Variants in SV2B observed in about 807,000 individuals in gnomAD.
The protein encoded by SV2B is synaptic vesicle glycoprotein 2B.
SV2B carries 41 observed loss-of-function variants against 73.9 expected under a neutral mutation model. That is an observed-to-expected ratio of 0.56 (90% CI 0.43 to 0.72). The LOEUF is 0.72. Ranked by LOEUF, SV2B falls within the 30% of genes least tolerant of loss-of-function variation. SV2B has a pLI of 0.00. For synonymous variants in SV2B, 314 were observed against 314.2 expected, an observed-to-expected ratio of 1.00 and a Z score of 0.01; for missense variants, 764 against 857.8, an observed-to-expected ratio of 0.89 and a Z score of 1.37.
In SV2B at chr15:91,240,852, T is replaced by C. The variant is rs1173409457; in HGVS notation, c.452-10967T>C. ...TGTTAATTAGCCCTGCAGCCTCAGATGAGTGCTCTTGGCCCCGTCACAGCC... is the reference window on the plus strand; with the variant it reads ...TGTTAATTAGCCCTGCAGCCTCAGACGAGTGCTCTTGGCCCCGTCACAGCC... On this transcript the variant is annotated intron_variant, in intron 2 of 12. Transcript: ENST00000394232. The surrounding 1 kb of genome is among the most constrained non-coding windows in gnomAD (Gnocchi z 4.6). 1.3e-5 allele frequency among the ~76,000 whole-genome samples: 2 copies of C among 152,216 alleles called. No homozygotes were observed. Among genetic ancestry groups the C allele is most frequent in the African/African-American group, 4.8e-5 (2 of 41,452 alleles).
chr15:91,249,068 T>TCACACA (rs59552488), intron 2 of SV2B, among the ~76,000 whole-genome samples: 1,515 of 142,086 alleles, frequency 0.011, 14 homozygotes, highest in Non-Finnish European at 0.014. Context: ...ATCTACGTTT[T>TCACACA]CACACACACA....
chr15:91,243,843 C>G (rs2047119213), intron 2 of SV2B, among the ~76,000 whole-genome samples: 1 of 152,154 alleles, frequency 6.6e-6, no homozygotes, highest in African/African-American at 2.4e-5. Flanking sequence ...AGACCCTCAC[C>G]TCTGGGCCTA....
chr15:91,280,017 A>G lies in SV2B; in HGVS notation c.1374-1711A>G, dbSNP rs762177313. Among the ~76,000 whole-genome samples the G allele has an allele frequency of 2.0e-5, 3 of 152,354 alleles. No individual in the cohort carries two copies. The highest frequency in any genetic ancestry group is 2.9e-5 in the Non-Finnish European group (2 of 68,040). ...ATGATTCTCAAATTTCTTTAAGTATAATAATCTGGTCTCTGCCATTGGTGA... is the reference window on the plus strand; with the variant it reads ...ATGATTCTCAAATTTCTTTAAGTATGATAATCTGGTCTCTGCCATTGGTGA... On this transcript the variant is annotated intron_variant, in intron 9 of 12. Coordinates refer to ENST00000394232, the MANE Select transcript of SV2B (RefSeq NM_001323032.3). The surrounding 1 kb of genome is among the most constrained non-coding windows in gnomAD (Gnocchi z 5.8).
chr15:91,293,055 C>G lies in SV2B; in HGVS notation c.*503C>G, dbSNP rs2049101352. On this transcript the variant is annotated 3_prime_UTR_variant, in exon 13 of 13. Coordinates refer to ENST00000394232, the MANE Select transcript of SV2B (RefSeq NM_001323032.3). ...AAAGTATCACCTATCATATTTTCCA[C>G]TCGAAAATTGACATAGTAGCATTGA... is the stretch of plus-strand genomic sequence containing the variant. 1 of 152,524 alleles carries G rather than the reference C, an allele frequency of 6.6e-6. No homozygotes were observed. The highest frequency in any genetic ancestry group is 1.5e-5 in the Non-Finnish European group (1 of 68,336). The allele number at this position is 152,524 out of a possible 1,614,324, so 9.4% of individuals were successfully genotyped here.
intron 1 of SV2B, among the ~76,000 whole-genome samples, chr15:91,195,759 C>T (rs940536974): frequency 2.0e-5 from 3 of 152,146 alleles, no homozygotes; most frequent in Non-Finnish European, 4.4e-5. Context: ...TAGTATCCAC[C>T]TTATAGGTTG....
At position 91,290,058 on chromosome 15, in the gene SV2B, G is replaced by T. The variant is rs1265427038; in HGVS notation, c.1868+378G>T. Among the ~76,000 whole-genome samples, 1 of 152,190 alleles carries T rather than the reference G, an allele frequency of 6.6e-6. No homozygotes were observed. Among genetic ancestry groups the T allele is most frequent in the Non-Finnish European group, 1.5e-5 (1 of 68,024 alleles). ...ATAGCACAGGGTGGGGGCAAGGAGA[G>T]AAATAAAGGTCGGGAGGCAGCATGA... On this transcript the variant is annotated intron_variant, in intron 12 of 12. Coordinates refer to ENST00000394232, the MANE Select transcript of SV2B (RefSeq NM_001323032.3). This position sits in a 1 kb window ranked among gnomAD's most constrained non-coding sequence, Gnocchi z 4.7.
intron 2 of SV2B, among the ~76,000 whole-genome samples, chr15:91,249,167 CATGAACT>C (rs2047382443): frequency 6.6e-6 from 1 of 152,060 alleles, no homozygotes; most frequent in Non-Finnish European, 1.5e-5. Flanking sequence ...GATTCCCCTA[CATGAACT>C]ATGCTCTACT....
chr15:91,275,576 G>A (rs925757998), intron 9 of SV2B, among the ~76,000 whole-genome samples: 7 of 152,130 alleles, frequency 4.6e-5, no homozygotes, highest in African/African-American at 7.2e-5. Context: ...TGTAATCCTA[G>A]CACTTTGGGA....
intron 1 of SV2B, among the ~76,000 whole-genome samples, chr15:91,190,960 G>A (rs1331839860): frequency 6.8e-6 from 1 of 146,436 alleles, no homozygotes; most frequent in Admixed American, 6.9e-5. Context: ...CTAGTGTTTT[G>A]TCTACCTTTA....
Position 91,236,073 on chromosome 15 carries a change from C to T in SV2B, c.451+9359C>T, listed in dbSNP as rs2046768765. Among the ~76,000 whole-genome samples, 1 of 152,204 alleles carries T rather than the reference C, an allele frequency of 6.6e-6. No homozygotes were observed. The highest frequency in any genetic ancestry group is 2.1e-4 in the South Asian group (1 of 4,834). On this transcript the variant is annotated intron_variant, in intron 2 of 12. Coordinates refer to ENST00000394232, the MANE Select transcript of SV2B (RefSeq NM_001323032.3). This position sits in a 1 kb window ranked among gnomAD's most constrained non-coding sequence, Gnocchi z 4.1. ...CTGCTCCCCTGATCCAACTGCAAAACCTGATGTTTTAGCTTCTCAGTTGTT... is the reference window on the plus strand; with the variant it reads ...CTGCTCCCCTGATCCAACTGCAAAATCTGATGTTTTAGCTTCTCAGTTGTT...
In SV2B at chr15:91,199,267, G is replaced by A. The variant is rs145671445; in HGVS notation, c.-391-26606G>A. On this transcript the variant is annotated intron_variant, in intron 1 of 12. Coordinates refer to ENST00000394232, the MANE Select transcript of SV2B (RefSeq NM_001323032.3). ...TACTGTTTGACTTTTGACTGTACCC[G>A]TCACTCTCTGGGGGAAGGATGGAAA... Among the ~76,000 whole-genome samples, 521 of 152,240 alleles carry A rather than the reference G, an allele frequency of 3.4e-3. 1 individual carries two copies. Among genetic ancestry groups the A allele is most frequent in the African/African-American group, 0.012 (502 of 41,538 alleles).
At chr15:91,180,485 G>A (rs1180942623) in intron 1 of SV2B, among the ~76,000 whole-genome samples, 1 of 152,148 alleles carries the variant, frequency 6.6e-6, no homozygotes, top group Non-Finnish European at 1.5e-5. Flanking sequence ...ATCCTGCAGA[G>A]TGTTTTCCAA....
intron 1 of SV2B, among the ~76,000 whole-genome samples, chr15:91,112,270 G>C (rs550189717): frequency 6.6e-6 from 1 of 152,178 alleles, no homozygotes; most frequent in Admixed American, 6.5e-5. Flanking sequence ...CGAGAACCAT[G>C]GTGATACAGA....
intron 6 of SV2B, among the ~76,000 whole-genome samples, chr15:91,260,705 C>T (rs184400855): frequency 7.2e-5 from 11 of 152,142 alleles, no homozygotes; most frequent in Admixed American, 2.6e-4. Flanking sequence ...AAGACATACC[C>T]GAGACTGGGA....
intron 9 of SV2B, among the ~76,000 whole-genome samples, chr15:91,274,312 T>A (rs1179632583): frequency 6.6e-6 from 1 of 152,228 alleles, no homozygotes; most frequent in South Asian, 2.1e-4. Flanking sequence ...ATTTAGCTTA[T>A]ACTGTTCTTG....
Position 91,221,555 on chromosome 15 carries a change from C to T in SV2B, c.-391-4318C>T, listed in dbSNP as rs979943556. ...GGGTCATCATTGTTCTAGTCACTCT[C>T]GGCCTTTCCTTCTCACCTGATAGGA... is the stretch of plus-strand genomic sequence containing the variant. On this transcript the variant is annotated intron_variant, in intron 1 of 12. Coordinates refer to ENST00000394232, the MANE Select transcript of SV2B (RefSeq NM_001323032.3). 6.6e-5 allele frequency among the ~76,000 whole-genome samples: 10 copies of T among 152,256 alleles called. No individual in the cohort carries two copies. In the South Asian group the frequency reaches 1.2e-3, roughly 19 times the overall value.
intron 1 of SV2B, among the ~76,000 whole-genome samples, chr15:91,204,840 GC>G (rs1376521615): frequency 6.6e-6 from 1 of 152,070 alleles, no homozygotes; most frequent in Non-Finnish European, 1.5e-5. Context: ...ACAGGTGTGA[GC>G]CAATGCACCT....
intron 1 of SV2B, among the ~76,000 whole-genome samples, chr15:91,169,799 G>A (rs2044055619): frequency 6.6e-6 from 1 of 152,162 alleles, no homozygotes; most frequent in South Asian, 2.1e-4. Flanking sequence ...ATGGTTATGG[G>A]GGATTCTTGA....
At chr15:91,108,769 G>A (rs965881146) in intron 1 of SV2B, among the ~76,000 whole-genome samples, 7 of 152,058 alleles carry the variant, frequency 4.6e-5, no homozygotes, top group Non-Finnish European at 7.4e-5. Context: ...CAGTTACATC[G>A]TCAGCAAAGC....
Sources: gnomAD v4.1 joint callset for allele counts (sites outside exome capture counted in the v4.1 genomes callset) on GRCh38, gnomAD v4.1.1 for gene constraint, Gnocchi (gnomAD v3.1) non-coding constraint, MANE v1.5 for transcripts, NCBI Gene and HGNC (gene_info 2026-07-23, HGNC 2026-07-21) for gene names.